The following BMPER variants were observed in gnomAD, a reference collection of about 807,000 sequenced individuals.
BMPER encodes BMP-binding endothelial regulator protein.
A neutral mutation model predicts 87.3 loss-of-function variants in BMPER; 45 were observed. The observed-to-expected ratio is 0.52, with a 90% confidence interval of 0.41 to 0.66. The LOEUF (loss-of-function observed/expected upper bound fraction) is 0.66. Among genes scored for constraint, BMPER ranks in the 30% least tolerant of loss-of-function variants. The pLI, the probability that BMPER is intolerant of heterozygous loss-of-function variation, is 0.00. For synonymous variants in BMPER, 326 were observed against 316.2 expected, an observed-to-expected ratio of 1.03 and a Z score of -0.33; for missense variants, 784 against 867.5, an observed-to-expected ratio of 0.90 and a Z score of 1.21.
intron 7 of BMPER, among the ~76,000 whole-genome samples, chr7:34,050,904 GC>G (rs1295098911): frequency 6.6e-6 from 1 of 152,148 alleles, no homozygotes; most frequent in African/African-American, 2.4e-5. Context: ...ACCTCTGCGT[GC>G]CCTTTGAGTT....
rs1216449543 is a variant in BMPER at position 34,155,931 on chromosome 7, C to T, written c.*2658C>T. ...ACAAGCATAATTATGATTCTAATTG[C>T]CCATTGTTGGTACTCAGTAAAACTA... On this transcript the variant is annotated 3_prime_UTR_variant, in exon 15 of 15. Coordinates refer to ENST00000649409, the MANE Select transcript of BMPER (RefSeq NM_001365308.1). 1 of 152,190 alleles carries T rather than the reference C, an allele frequency of 6.6e-6. No homozygotes were observed. The highest frequency in any genetic ancestry group is 1.5e-5 in the Non-Finnish European group (1 of 68,034). The allele number at this position is 152,190 out of a possible 1,614,324, so 9.4% of individuals were successfully genotyped here.
rs115022516 is a variant in BMPER, at chr7:34,104,082, C to T, written c.1745+17990C>T. Among the ~76,000 whole-genome samples, 670 of 152,352 alleles carry T rather than the reference C, an allele frequency of 4.4e-3. 3 individuals are homozygous for T. The highest frequency in any genetic ancestry group is 0.014 in the African/African-American group (596 of 41,592). ...CACTTGGTGCTTTCCACTGGACATG[C>T]CTTTGTTTATGTCTTTCATCATTTG... is the stretch of plus-strand genomic sequence containing the variant. On this transcript the variant is annotated intron_variant, in intron 13 of 14. Coordinates refer to ENST00000649409, the MANE Select transcript of BMPER (RefSeq NM_001365308.1).
chr7:33,996,161 A>T (rs1388612082), intron 6 of BMPER, among the ~76,000 whole-genome samples: 1 of 152,214 alleles, frequency 6.6e-6, no homozygotes, highest in Non-Finnish European at 1.5e-5. Context: ...TCAATGTAGA[A>T]ATGAAAAAGT....
chr7:34,011,301 G>T (rs531934165), intron 6 of BMPER, among the ~76,000 whole-genome samples: 1 of 151,894 alleles, frequency 6.6e-6, no homozygotes, highest in South Asian at 2.1e-4. Context: ...AAGTTTCCAG[G>T]TGTTATCAAT....
chr7:33,989,559 G>A (rs868015956), intron 6 of BMPER, among the ~76,000 whole-genome samples: 1 of 152,074 alleles, frequency 6.6e-6, no homozygotes, highest in African/African-American at 2.4e-5. Flanking sequence ...CTCCCATTTT[G>A]TAGGTTGCCT....
intron 2 of BMPER, 116 bp downstream of exon 2, chr7:33,907,019 C>A: frequency 1.0e-6 from 1 of 964,808 alleles, no homozygotes; most frequent in Non-Finnish European, 1.6e-6. Flanking sequence ...CAAAATTGCA[C>A]ATAACTGTAC....
intron 13 of BMPER, among the ~76,000 whole-genome samples, chr7:34,099,938 G>A (rs117612402): frequency 0.065 from 9,876 of 151,524 alleles, 505 homozygotes; most frequent in Non-Finnish European, 0.088. Flanking sequence ...TGAGAGAGTT[G>A]AGTCTCCTTT....
intron 12 of BMPER, among the ~76,000 whole-genome samples, chr7:34,083,784 T>C (rs1789119420): frequency 6.6e-6 from 1 of 150,962 alleles, no homozygotes; most frequent in African/African-American, 2.4e-5. Flanking sequence ...GACAAGATCC[T>C]CTCTCTCTCT....
chr7:34,141,151 A>G (rs538466478), intron 13 of BMPER, among the ~76,000 whole-genome samples: 1 of 152,336 alleles, frequency 6.6e-6, no homozygotes, highest in Admixed American at 6.5e-5. Context: ...GGAGATTCAT[A>G]CACTGGCATT....
At chr7:34,034,832 G>C (rs951268408) in intron 6 of BMPER, among the ~76,000 whole-genome samples, 1 of 152,282 alleles carries the variant, frequency 6.6e-6, no homozygotes. Context: ...CTTCTGTCAG[G>C]CTCAGTCAGT....
At chr7:34,152,423 T>A (rs1273646523) in intron 14 of BMPER, among the ~76,000 whole-genome samples, 1 of 152,194 alleles carries the variant, frequency 6.6e-6, no homozygotes, top group Non-Finnish European at 1.5e-5. Flanking sequence ...GGATCTCTCA[T>A]AATTTTGTGA....
At chr7:33,910,291 G>T (rs149845608) in intron 2 of BMPER, among the ~76,000 whole-genome samples, 43 of 152,324 alleles carry the variant, frequency 2.8e-4, no homozygotes, top group African/African-American at 1.0e-3. Flanking sequence ...TTTCTTGCTA[G>T]AATTATTTTT....
Position 33,974,784 on chromosome 7 carries a change from T to A in BMPER, c.576T>A (p.Thr192=). ...EGSKCTKCSC[T]GGRTQCVREV... Reference sequence around the variant, plus strand: ...GCAAATGTACCAAGTGTTCCTGCACTGTAAGTCCTGCTGTGGATGTTCCCA... The same window carrying A: ...GCAAATGTACCAAGTGTTCCTGCACAGTAAGTCCTGCTGTGGATGTTCCCA... The change falls in exon 6 of 15, where the codon ACT becomes ACA. Residue 192 remains threonine (T), a splice_region_variant and synonymous_variant. Transcript: ENST00000649409. 1 of 1,613,892 alleles carries A rather than the reference T, an allele frequency of 6.2e-7. No homozygotes were observed. Among genetic ancestry groups the A allele is most frequent in the Non-Finnish European group, 8.5e-7 (1 of 1,179,768 alleles).
chr7:33,979,916 G>A (rs948032396), intron 6 of BMPER, among the ~76,000 whole-genome samples: 4 of 152,240 alleles, frequency 2.6e-5, no homozygotes, highest in Admixed American at 2.0e-4. Flanking sequence ...GAAGACACTC[G>A]TCTTATGGAG....
rs147354629 is a variant in BMPER, at chr7:34,000,352, G to A, written c.576+25568G>A. 9.2e-3 allele frequency among the ~76,000 whole-genome samples: 1,399 copies of A among 151,990 alleles called. 9 individuals are homozygous for A. The highest frequency in any genetic ancestry group is 0.037 in the Middle Eastern group (11 of 294). On this transcript the variant is annotated intron_variant, in intron 6 of 14. Transcript: ENST00000649409. Reference sequence around the variant, plus strand: ...GATAGATGAAAGAGACTGGATCTTGGATTGAAAAAAAATACTATAAAAGAT... The same window carrying A: ...GATAGATGAAAGAGACTGGATCTTGAATTGAAAAAAAATACTATAAAAGAT...
chr7:33,944,901 T>C (rs969377790), intron 3 of BMPER, among the ~76,000 whole-genome samples: 1 of 152,156 alleles, frequency 6.6e-6, no homozygotes, highest in African/African-American at 2.4e-5. Context: ...AAGGCCAGGA[T>C]GCTGATCAGA....
Position 34,079,275 on chromosome 7 carries a change from T to C in BMPER, c.1408+89T>C, listed in dbSNP as rs1232088969. On this transcript the variant is annotated intron_variant, in intron 12 of 14. Transcript: ENST00000649409. The stretch of plus-strand genomic sequence containing the variant: ...GCTCGGTTAGAGCACTCAGGAGATG[T>C]GGTTCCTCCTCCGAGCAAAAACCCA... 5 of 1,548,660 alleles carry C rather than the reference T, an allele frequency of 3.2e-6. No individual in the cohort carries two copies. In the African/African-American group the frequency reaches 6.8e-5, roughly 21 times the overall value.
At chr7:34,058,212 C>A in intron 10 of BMPER, 49 bp downstream of exon 10, 2 of 1,540,308 alleles carry the variant, frequency 1.3e-6, no homozygotes, top group South Asian at 2.3e-5. Flanking sequence ...TGAGAAATGT[C>A]CTGTGTGTGG....
chr7:34,067,469 T>C (rs1318279237), intron 11 of BMPER, among the ~76,000 whole-genome samples: 1 of 152,070 alleles, frequency 6.6e-6, no homozygotes, highest in Admixed American at 6.6e-5. Context: ...TTCTGCAAAT[T>C]AGTGATTCTG....
Sources: gnomAD v4.1 joint callset for allele counts (sites outside exome capture counted in the v4.1 genomes callset) on GRCh38, gnomAD v4.1.1 for gene constraint, MANE v1.5 for transcripts, NCBI Gene and HGNC (gene_info 2026-07-23, HGNC 2026-07-21) for gene names.